CDH10: variants seen among roughly 807,000 people sequenced by gnomAD.
The protein encoded by CDH10 is cadherin 10, also known as cadherin-10.
Under a neutral mutation model 73.1 loss-of-function variants are expected in CDH10, and 30 were observed. The ratio of observed to expected loss-of-function variants is 0.41; its 90% CI spans 0.31 to 0.56. The LOEUF (loss-of-function observed/expected upper bound fraction) is 0.56, where lower values mean the gene tolerates loss of function less well. Among genes scored for constraint, CDH10 ranks in the 20% least tolerant of loss-of-function variants. CDH10 has a pLI of 0.27. For synonymous variants in CDH10, 345 were observed against 348.2 expected, an observed-to-expected ratio of 0.99 and a Z score of 0.10; for missense variants, 815 against 973.7, an observed-to-expected ratio of 0.84 and a Z score of 2.17.
At chr5:24,525,817 G>C (rs1743509599) in intron 5 of CDH10, among the ~76,000 whole-genome samples, 1 of 152,072 alleles carries the variant, frequency 6.6e-6, no homozygotes, top group Admixed American at 6.6e-5. Flanking sequence ...TCCTGTTCAA[G>C]CTACTGAAGA....
At chr5:24,513,569 G>C (rs76513174) in intron 5 of CDH10, among the ~76,000 whole-genome samples, 7,460 of 152,250 alleles carry the variant, frequency 0.049, 345 homozygotes, top group African/African-American at 0.12. Context: ...GTAAGACTTT[G>C]TTGTGGCAGC....
At chr5:24,579,531 A>C (rs1276483833) in intron 2 of CDH10, among the ~76,000 whole-genome samples, 1 of 152,108 alleles carries the variant, frequency 6.6e-6, no homozygotes, top group Non-Finnish European at 1.5e-5. Flanking sequence ...AATCCACTGC[A>C]AAAAGAATGC....
intron 11 of CDH10, 40 bp downstream of exon 11, chr5:24,491,536 G>T (rs202223930): frequency 6.4e-7 from 1 of 1,560,164 alleles, no homozygotes; most frequent in South Asian, 1.2e-5. Context: ...TCATACTAAA[G>T]AGCCTAGAAA....
intron 8 of CDH10, among the ~76,000 whole-genome samples, chr5:24,502,250 A>G (rs1165687134): frequency 6.6e-6 from 1 of 152,136 alleles, no homozygotes; most frequent in Non-Finnish European, 1.5e-5. Context: ...ATATTTTTGA[A>G]GAAGAAAAAG....
intron 1 of CDH10, among the ~76,000 whole-genome samples, chr5:24,618,303 G>A (rs1388736630): frequency 1.3e-5 from 2 of 152,196 alleles, no homozygotes; most frequent in Non-Finnish European, 2.9e-5. Flanking sequence ...AGCAAAAGTT[G>A]AAATCATTTG....
chr5:24,607,713 T>C (rs1746807650), intron 1 of CDH10, among the ~76,000 whole-genome samples: 2 of 152,168 alleles, frequency 1.3e-5, no homozygotes, highest in Admixed American at 6.5e-5. Context: ...AAAATTAAAT[T>C]ATGTATTACT....
At chr5:24,554,258 A>C (rs1744679626) in intron 2 of CDH10, 1 of 152,034 alleles carries the variant, frequency 6.6e-6, no homozygotes, top group East Asian at 1.9e-4. Context: ...GAATCATGGC[A>C]GATAAAATTA....
At chr5:24,644,246 ATAAAAATGAACAAG>A (rs1263735182) in intron 1 of CDH10, among the ~76,000 whole-genome samples, 2 of 152,194 alleles carry the variant, frequency 1.3e-5, no homozygotes, top group Non-Finnish European at 2.9e-5. Context: ...GATTTTTAAA[ATAAAAATGAACAAG>A]TCTGGGCATG....
At chr5:24,634,381 A>G (rs1301406492) in intron 1 of CDH10, among the ~76,000 whole-genome samples, 1 of 151,846 alleles carries the variant, frequency 6.6e-6, no homozygotes, top group African/African-American at 2.4e-5. Flanking sequence ...TCCAATTCTA[A>G]AAGTATATAT....
intron 1 of CDH10, among the ~76,000 whole-genome samples, chr5:24,594,470 C>T (rs1178909385): frequency 6.6e-6 from 1 of 151,754 alleles, no homozygotes; most frequent in East Asian, 1.9e-4. Flanking sequence ...GTTTCTTATC[C>T]CACTGTGATG....
At chr5:24,595,404 T>C (rs1746338542) in intron 1 of CDH10, among the ~76,000 whole-genome samples, 2 of 152,008 alleles carry the variant, frequency 1.3e-5, no homozygotes, top group South Asian at 4.1e-4. Flanking sequence ...CTTGAGTGTA[T>C]TAAATGACAG....
chr5:24,544,444 T>C lies in CDH10; in HGVS notation c.232-6770A>G, dbSNP rs532643982. Among the ~76,000 whole-genome samples the C allele has an allele frequency of 3.9e-5, 6 of 152,308 alleles. No individual in the cohort carries two copies. In the East Asian group the frequency reaches 1.2e-3, roughly 29 times the overall value. On this transcript the variant is annotated intron_variant, in intron 2 of 11. Transcript: ENST00000264463. ...TTCTTTCGGGGACCAGAGGCAAGTT[T>C]TGAAGATTTAAATGATGGGTGGGCA...
intron 11 of CDH10, among the ~76,000 whole-genome samples, chr5:24,490,027 A>C (rs1027080344): frequency 2.6e-5 from 4 of 152,124 alleles, no homozygotes; most frequent in African/African-American, 9.6e-5. Flanking sequence ...AACACCATAC[A>C]TGCCAGACAT....
intron 2 of CDH10, among the ~76,000 whole-genome samples, chr5:24,574,172 C>T (rs1249738742): frequency 6.6e-6 from 1 of 152,078 alleles, no homozygotes; most frequent in East Asian, 1.9e-4. Context: ...AGGCGTGAGC[C>T]ACTGCGCCCG....
At chr5:24,508,491 TCATAATATAACCCACATTG>T (rs1742778363) in intron 7 of CDH10, among the ~76,000 whole-genome samples, 2 of 152,138 alleles carry the variant, frequency 1.3e-5, no homozygotes, top group Non-Finnish European at 2.9e-5. Flanking sequence ...GTTTCTAAAA[TCATAATATAACCCACATTG>T]CAGCATTGCA....
intron 7 of CDH10, among the ~76,000 whole-genome samples, chr5:24,507,487 C>T (rs1742738730): frequency 6.6e-6 from 1 of 151,506 alleles, no homozygotes; most frequent in African/African-American, 2.4e-5. Flanking sequence ...TTTTAAATAT[C>T]CACAGATATA....
intron 8 of CDH10, among the ~76,000 whole-genome samples, chr5:24,504,686 C>T (rs1372167271): frequency 4.6e-5 from 7 of 151,594 alleles, no homozygotes; most frequent in East Asian, 1.9e-4. Flanking sequence ...CCACCATGCC[C>T]GGCTAATTTT....
intron 5 of CDH10, among the ~76,000 whole-genome samples, chr5:24,528,498 C>T (rs1483227283): frequency 2.6e-5 from 4 of 151,894 alleles, no homozygotes; most frequent in East Asian, 1.9e-4. Flanking sequence ...GCTCACTGAA[C>T]GTACGTGTCT....
intron 5 of CDH10, among the ~76,000 whole-genome samples, chr5:24,517,144 A>G (rs1265994498): frequency 5.3e-5 from 8 of 152,274 alleles, no homozygotes; most frequent in Middle Eastern, 3.4e-3. Flanking sequence ...AAAATTCTCT[A>G]CAAGAATAAA....
Sources: allele counts gnomAD v4.1 joint callset (sites outside exome capture counted in the v4.1 genomes callset), GRCh38; gene constraint gnomAD v4.1.1; transcripts MANE v1.5; gene names NCBI Gene and HGNC (gene_info 2026-07-23, HGNC 2026-07-21).